Variants in GRM7 observed in about 807,000 individuals in gnomAD.
GRM7 encodes metabotropic glutamate receptor 7.
Under a neutral mutation model 84.5 loss-of-function variants are expected in GRM7, and 35 were observed. That is an observed-to-expected ratio of 0.41 (90% CI 0.32 to 0.55). GRM7 has a LOEUF of 0.55. Among genes scored for constraint, GRM7 ranks in the 20% least tolerant of loss-of-function variants. GRM7 has a pLI of 0.19. For synonymous variants in GRM7, 487 were observed against 455.1 expected (o/e 1.07, Z -0.89); for missense variants, 1,003 against 1,194.6 (o/e 0.84, Z 2.36).
At chr3:6,965,907 A>C (rs1305700902) in intron 1 of GRM7, among the ~76,000 whole-genome samples, 5 of 152,154 alleles carry the variant, frequency 3.3e-5, no homozygotes, top group Admixed American at 3.3e-4. Context: ...AGTTCCACAA[A>C]CAAGGCACAC....
At chr3:7,719,767 G>C (rs902770268) in intron 9 of GRM7, among the ~76,000 whole-genome samples, 2 of 136,888 alleles carry the variant, frequency 1.5e-5, no homozygotes, top group African/African-American at 5.5e-5. Context: ...AGCCAAGATT[G>C]CACCACTGGG....
At chr3:7,695,909 A>T (rs1181498808) in intron 9 of GRM7, among the ~76,000 whole-genome samples, 1 of 152,312 alleles carries the variant, frequency 6.6e-6, no homozygotes, top group Middle Eastern at 3.4e-3. Flanking sequence ...ACCTGTGGCT[A>T]TTTAAATTAA....
At chr3:7,109,668 A>C (rs992299155) in intron 1 of GRM7, among the ~76,000 whole-genome samples, 4 of 152,148 alleles carry the variant, frequency 2.6e-5, no homozygotes, top group Non-Finnish European at 5.9e-5. Flanking sequence ...TTCGTCCGCT[A>C]TAGTGAGTTC....
intron 1 of GRM7, among the ~76,000 whole-genome samples, chr3:7,133,506 T>A (rs929678129): frequency 2.0e-5 from 3 of 152,194 alleles, no homozygotes; most frequent in African/African-American, 7.2e-5. Flanking sequence ...AACAAAGCAT[T>A]ACCTAGCCCA....
At chr3:6,943,148 G>A (rs886543459) in intron 1 of GRM7, among the ~76,000 whole-genome samples, 11 of 151,766 alleles carry the variant, frequency 7.2e-5, no homozygotes, top group Non-Finnish European at 1.6e-4. Flanking sequence ...TTGTTTTTCA[G>A]CTGGCAGCAT....
intron 8 of GRM7, among the ~76,000 whole-genome samples, chr3:7,645,546 T>TAAAAAAAA (rs71043684): frequency 6.8e-5 from 6 of 87,776 alleles, no homozygotes; most frequent in South Asian, 4.5e-4. Context: ...GACTCCATCT[T>TAAAAAAAA]AAAAAAAAAA....
At chr3:7,175,402 T>C (rs766743759) in intron 2 of GRM7, among the ~76,000 whole-genome samples, 1 of 152,236 alleles carries the variant, frequency 6.6e-6, no homozygotes, top group Non-Finnish European at 1.5e-5. Context: ...CATGTCTCCA[T>C]GAAACAAAGA....
chr3:6,937,844 C>T (rs1697743774), intron 1 of GRM7, among the ~76,000 whole-genome samples: 1 of 152,204 alleles, frequency 6.6e-6, no homozygotes, highest in Non-Finnish European at 1.5e-5. Flanking sequence ...TGGTCATGAT[C>T]ATTATCATCA....
At chr3:7,697,540 C>T (rs1701066010) in intron 9 of GRM7, among the ~76,000 whole-genome samples, 1 of 152,150 alleles carries the variant, frequency 6.6e-6, no homozygotes, top group Non-Finnish European at 1.5e-5. Flanking sequence ...GAGAGAACAA[C>T]AAAAGTTATC....
chr3:7,474,830 G>C (rs1378507258), intron 7 of GRM7, among the ~76,000 whole-genome samples: 1 of 152,142 alleles, frequency 6.6e-6, no homozygotes, highest in Non-Finnish European at 1.5e-5. Context: ...TGAAATAAGA[G>C]CTGCTCCTTA....
intron 1 of GRM7, among the ~76,000 whole-genome samples, chr3:6,979,275 G>A (rs1042235049): frequency 4.6e-5 from 7 of 152,134 alleles, no homozygotes; most frequent in Non-Finnish European, 1.0e-4. Flanking sequence ...CTCAAGCCAC[G>A]CTACATTCAG....
chr3:7,282,839 A>G (rs951672265), intron 2 of GRM7, among the ~76,000 whole-genome samples: 8 of 152,208 alleles, frequency 5.3e-5, no homozygotes, highest in Admixed American at 2.6e-4. Context: ...CCCTTTTATT[A>G]AGATCTCCCA....
intron 8 of GRM7, among the ~76,000 whole-genome samples, chr3:7,660,560 TTAAGA>T (rs1160389555): frequency 1.3e-5 from 2 of 152,210 alleles, no homozygotes; most frequent in Non-Finnish European, 2.9e-5. Flanking sequence ...TTCAATATTG[TTAAGA>T]TATCAATTCT....
intron 4 of GRM7, among the ~76,000 whole-genome samples, chr3:7,334,339 G>C (rs151303467): frequency 9.1e-4 from 138 of 151,898 alleles, no homozygotes; most frequent in African/African-American, 3.3e-3. Context: ...TGTCAGCTCA[G>C]ACAAACAAAT....
At chr3:7,697,482 T>TAAAG (rs1267027765) in intron 9 of GRM7, among the ~76,000 whole-genome samples, 2 of 152,160 alleles carry the variant, frequency 1.3e-5, no homozygotes, top group Admixed American at 6.6e-5. Flanking sequence ...ATTTCTTCAT[T>TAAAG]AAAGAGCTGT....
In GRM7 at chr3:7,347,044, A is replaced by C. The variant is rs552018164; in HGVS notation, c.1033+40392A>C. On this transcript the variant is annotated intron_variant, in intron 4 of 9. Coordinates refer to ENST00000357716, the MANE Select transcript of GRM7 (RefSeq NM_000844.4). ...AAAACACTGTATTAGATATAAACAG[A>C]ACATCCACCAGGAAAAAAATGCCCT... 9.1e-4 allele frequency among the ~76,000 whole-genome samples: 139 copies of C among 152,276 alleles called. 1 individual carries two copies. Among genetic ancestry groups the C allele is most frequent in the Middle Eastern group, 3.4e-3 (1 of 294 alleles).
chr3:7,567,017 T>C (rs1663691498), intron 7 of GRM7, among the ~76,000 whole-genome samples: 1 of 152,210 alleles, frequency 6.6e-6, no homozygotes, highest in African/African-American at 2.4e-5. Flanking sequence ...ACAGGTCATT[T>C]AGGGAGAACT....
chr3:7,577,610 G>T (rs192390107), intron 7 of GRM7, among the ~76,000 whole-genome samples: 1 of 152,204 alleles, frequency 6.6e-6, no homozygotes, highest in African/African-American at 2.4e-5. Flanking sequence ...AACACTGCTG[G>T]GTATGTTCCC....
chr3:7,614,516 T>A (rs1246437625), intron 8 of GRM7, among the ~76,000 whole-genome samples: 1 of 152,182 alleles, frequency 6.6e-6, no homozygotes, highest in Non-Finnish European at 1.5e-5. Context: ...AACTGTGTTC[T>A]TCTACTTAAA....
Sources: allele counts gnomAD v4.1 joint callset (sites outside exome capture counted in the v4.1 genomes callset), GRCh38; gene constraint gnomAD v4.1.1; transcripts MANE v1.5; gene names NCBI Gene and HGNC (gene_info 2026-07-23, HGNC 2026-07-21).